The following KIF1B variants were observed in gnomAD, a reference collection of about 807,000 sequenced individuals.
KIF1B encodes the protein kinesin family member 1B.
A neutral mutation model predicts 241.9 loss-of-function variants in KIF1B; 76 were observed. The ratio of observed to expected loss-of-function variants is 0.31; its 90% CI spans 0.26 to 0.38. KIF1B has a LOEUF of 0.38. Among genes scored for constraint, KIF1B ranks in the 10% least tolerant of loss-of-function variants. The probability of loss-of-function intolerance (pLI) is 1.00; values close to 1 mark genes in which losing one functional copy is unlikely to be tolerated. For missense variants in KIF1B, 1,622 were observed against 2,271.4 expected (o/e 0.71, Z 5.81); for synonymous variants, 750 against 796.7 (o/e 0.94, Z 0.99).
chr1:10,260,218 TTA>T (rs1648050911), intron 4 of KIF1B, among the ~76,000 whole-genome samples: 1 of 152,112 alleles, frequency 6.6e-6, no homozygotes, highest in South Asian at 2.1e-4. Context: ...CTACAGGCAA[TTA>T]TAATAGGATG....
rs191402250 is a variant in KIF1B, at chr1:10,324,697, A to G, written c.2538-61A>G. On this transcript the variant is annotated intron_variant, in intron 25 of 48. Coordinates refer to ENST00000676179, the MANE Select transcript of KIF1B (RefSeq NM_001365951.3). ...AAATCTTGAACGGAAGATGCTTCCA[A>G]AGTGAAAGTTTAATGCAATCTCATT... 163 of 1,585,214 alleles carry G rather than the reference A, an allele frequency of 1.0e-4. 1 individual carries two copies. In the East Asian group the frequency reaches 2.7e-3, roughly 26 times the overall value.
Position 10,324,021 on chromosome 1 carries a change from G to C in KIF1B, c.2496G>C (p.Leu832Phe). 6.2e-7 allele frequency: 1 copy of C among 1,614,166 alleles called. No individual in the cohort carries two copies. The highest frequency in any genetic ancestry group is 8.5e-7 in the Non-Finnish European group (1 of 1,180,026). Residue 832 changes from leucine to phenylalanine, a missense_variant, in exon 25 of 49, where the codon TTG (leucine) becomes TTC (phenylalanine). Around this residue, in one of 7 missense-constraint regions of KIF1B, gnomAD observed 803 missense variants for 1,112.0 expected, o/e 0.72. Coordinates refer to ENST00000676179, the MANE Select transcript of KIF1B (RefSeq NM_001365951.3). ...TGGTAGCAGTAGAAGTCCAGGATTT[G>C]AAGAATGGAGCAACACACTATTGGT... ...RTVVAVEVQD[L>F]KNGATHYWSL...
intron 45 of KIF1B, among the ~76,000 whole-genome samples, chr1:10,372,900 ACCTTC>A (rs1184313869): frequency 6.6e-6 from 1 of 150,856 alleles, no homozygotes; most frequent in Non-Finnish European, 1.5e-5. Context: ...TGCAACCTCC[ACCTTC>A]CAGCTTCAAG....
At chr1:10,359,105 G>T (rs1205135419) in intron 38 of KIF1B, among the ~76,000 whole-genome samples, 2 of 152,086 alleles carry the variant, frequency 1.3e-5, no homozygotes, top group Non-Finnish European at 1.5e-5. Flanking sequence ...GGAAGATGAG[G>T]TGTGGTCATG....
chr1:10,279,207 T>A, intron 14 of KIF1B, 69 bp downstream of exon 14: 1 of 1,035,900 alleles, frequency 9.7e-7, no homozygotes, highest in Non-Finnish European at 1.5e-6. Context: ...GGATCAGCCT[T>A]AAAATAAGCT....
intron 1 of KIF1B, chr1:10,230,711 C>G (rs1457666470): frequency 6.6e-6 from 1 of 152,102 alleles, no homozygotes; most frequent in Admixed American, 6.6e-5. Flanking sequence ...GCTGGGATTA[C>G]AGGCGTGAGC....
chr1:10,240,527 T>C (rs1223102408), intron 2 of KIF1B, among the ~76,000 whole-genome samples: 1 of 152,074 alleles, frequency 6.6e-6, no homozygotes, highest in African/African-American at 2.4e-5. Context: ...TTTAATTCCA[T>C]AGTGATCTAG....
In KIF1B at chr1:10,303,656, A is replaced by G; in HGVS notation, c.2115+6410A>G. The G allele has an allele frequency of 5.6e-6, 9 of 1,614,212 alleles. No individual in the cohort carries two copies. Among genetic ancestry groups the G allele is most frequent in the Non-Finnish European group, 7.6e-6 (9 of 1,180,042 alleles). ...GTAGATGACCTCAAGGTTCATATAG[A>G]CAAGCTGGAAGATATTTTGCAAGAA... On this transcript the variant is annotated intron_variant, in intron 22 of 48. Coordinates refer to ENST00000676179, the MANE Select transcript of KIF1B (RefSeq NM_001365951.3). This position sits in a 1 kb window ranked among gnomAD's most constrained non-coding sequence, Gnocchi z 5.2.
chr1:10,293,731 A>G (rs1054084472), intron 17 of KIF1B, among the ~76,000 whole-genome samples: 1 of 152,190 alleles, frequency 6.6e-6, no homozygotes, highest in African/African-American at 2.4e-5. Flanking sequence ...AATATTATGC[A>G]TTTAACATAA....
At chr1:10,296,488 TCTA>T in intron 19 of KIF1B, 91 bp from the exon 20 acceptor site, 1 of 1,031,086 alleles carries the variant, frequency 9.7e-7, no homozygotes, top group Non-Finnish European at 1.5e-6. Context: ...AGGGATTTAT[TCTA>T]CTTACTGCAA....
chr1:10,258,739 G>T, intron 4 of KIF1B, 67 bp downstream of exon 4: 4 of 1,502,374 alleles, frequency 2.7e-6, no homozygotes, highest in Non-Finnish European at 3.7e-6. Flanking sequence ...TGCTTTAACA[G>T]TTATTTTTAT....
At chr1:10,256,138 T>C (rs1205004053) in intron 2 of KIF1B, 109 bp from the exon 3 acceptor site, 7 of 754,638 alleles carry the variant, frequency 9.3e-6, no homozygotes, top group Non-Finnish European at 1.7e-5. Flanking sequence ...TATTCAGATT[T>C]AGTGGTATGA....
intron 32 of KIF1B, among the ~76,000 whole-genome samples, chr1:10,340,365 T>TA (rs1221716610): frequency 2.0e-5 from 3 of 152,186 alleles, no homozygotes; most frequent in Admixed American, 6.5e-5. Flanking sequence ...TTCCCTCTCT[T>TA]ACGTGAAATT....
intron 2 of KIF1B, among the ~76,000 whole-genome samples, chr1:10,246,805 AC>A (rs1403636552): frequency 6.6e-6 from 1 of 151,988 alleles, no homozygotes; most frequent in African/African-American, 2.4e-5. Flanking sequence ...AGATCATGTC[AC>A]CCCTCTGCTT....
At chr1:10,313,358 C>T (rs979492039) in intron 22 of KIF1B, among the ~76,000 whole-genome samples, 4 of 150,900 alleles carry the variant, frequency 2.7e-5, no homozygotes, top group African/African-American at 2.5e-5. Context: ...TGAGCCACCA[C>T]GCCTAGCCTA....
rs1459673237 is a variant in KIF1B, at chr1:10,273,732, A to C, written c.882+701A>C. ...CTCAAAAAAAAAAAAAAAAAAAAAA[A>C]AAAAAAACCCAACAAACACCACAAG... On this transcript the variant is annotated intron_variant, in intron 10 of 48. Coordinates refer to ENST00000676179, the MANE Select transcript of KIF1B (RefSeq NM_001365951.3). Among the ~76,000 whole-genome samples the C allele has an allele frequency of 2.5e-4, 21 of 85,056 alleles. No individual in the cohort carries two copies. The East Asian group carries it at 2.6e-3, about 10-fold the overall frequency. 55.8% of individuals were successfully genotyped at this position (85,056 alleles called of 152,430 possible). A position where few individuals can be genotyped will look rare whatever the true frequency, so the allele number is the denominator to read the frequency against.
At chr1:10,318,574 T>C (rs145879589) in intron 22 of KIF1B, among the ~76,000 whole-genome samples, 2,895 of 147,088 alleles carry the variant, frequency 0.02, 49 homozygotes, top group Non-Finnish European at 0.028. Flanking sequence ...TAAAAATTAG[T>C]CGGGCATGGT....
chr1:10,266,987 ATTTCTTTTGT>A (rs1648497956), intron 5 of KIF1B, among the ~76,000 whole-genome samples: 2 of 151,404 alleles, frequency 1.3e-5, no homozygotes, highest in Non-Finnish European at 2.9e-5. Context: ...TCTGTATGTG[ATTTCTTTTGT>A]TTTCTTTTTC....
intron 24 of KIF1B, 75 bp from the exon 25 acceptor site, chr1:10,323,809 G>T: frequency 1.6e-6 from 2 of 1,213,662 alleles, no homozygotes; most frequent in Non-Finnish European, 2.4e-6. Context: ...TTCCCATTGG[G>T]TATGATTGTA....
Sources: gnomAD v4.1 joint callset for allele counts (sites outside exome capture counted in the v4.1 genomes callset) on GRCh38, gnomAD v4.1.1 for gene constraint, gnomAD v4.1.1 regional missense constraint, Gnocchi (gnomAD v3.1) non-coding constraint, MANE v1.5 for transcripts, NCBI Gene and HGNC (gene_info 2026-07-23, HGNC 2026-07-21) for gene names.